The following MAPK10 variants were observed in gnomAD, a reference collection of about 807,000 sequenced individuals.
MAPK10 encodes JNK3 alpha protein kinase.
Under a neutral mutation model 59.3 loss-of-function variants are expected in MAPK10, and 25 were observed. The observed-to-expected ratio is 0.42, with a 90% CI of 0.31 to 0.59. The LOEUF is 0.59. Among genes scored for constraint, MAPK10 ranks in the 20% least tolerant of loss-of-function variants. The pLI, the probability that MAPK10 is intolerant of heterozygous loss-of-function variation, is 0.15. For synonymous variants in MAPK10, 190 were observed against 200.5 expected (o/e 0.95, Z 0.44); for missense variants, 351 against 568.9 (o/e 0.62, Z 3.90).
At chr4:86,483,505 C>G (rs186909357) in intron 1 of MAPK10, among the ~76,000 whole-genome samples, 9 of 151,978 alleles carry the variant, frequency 5.9e-5, no homozygotes, top group Admixed American at 4.6e-4. Flanking sequence ...TTCAAAGAAA[C>G]AAAGGGCAGA....
At chr4:86,441,552 G>A (rs887134945) in intron 1 of MAPK10, among the ~76,000 whole-genome samples, 1 of 152,176 alleles carries the variant, frequency 6.6e-6, no homozygotes, top group Non-Finnish European at 1.5e-5. Context: ...TCATATGACT[G>A]TGTAGAATTC....
intron 3 of MAPK10, among the ~76,000 whole-genome samples, chr4:86,179,449 A>G (rs2076416382): frequency 6.6e-6 from 1 of 152,150 alleles, no homozygotes; most frequent in African/African-American, 2.4e-5. Context: ...CTACACATTC[A>G]ATGTAACGCC....
intron 3 of MAPK10, among the ~76,000 whole-genome samples, chr4:86,172,973 C>T (rs1223671021): frequency 1.3e-5 from 2 of 151,680 alleles, no homozygotes; most frequent in Non-Finnish European, 1.5e-5. Flanking sequence ...AGAGACAACA[C>T]AAACAAATGG....
intron 9 of MAPK10, among the ~76,000 whole-genome samples, chr4:86,096,483 A>G (rs1356928210): frequency 6.6e-6 from 1 of 151,990 alleles, no homozygotes; most frequent in African/African-American, 2.4e-5. Flanking sequence ...CTGAAGAGCT[A>G]AATAAGATCT....
intron 1 of MAPK10, among the ~76,000 whole-genome samples, chr4:86,396,837 C>T (rs1252756998): frequency 6.6e-6 from 1 of 152,054 alleles, no homozygotes; most frequent in Non-Finnish European, 1.5e-5. Flanking sequence ...TCCTACTAAG[C>T]CCACCGTCAA....
At chr4:86,521,241 C>T (rs947548035) in intron 1 of MAPK10, among the ~76,000 whole-genome samples, 1 of 152,064 alleles carries the variant, frequency 6.6e-6, no homozygotes, top group Admixed American at 6.6e-5. Flanking sequence ...TGGCCTCCAG[C>T]CAGGAGATGG....
chr4:86,351,657 A>C (rs555871153), intron 2 of MAPK10, among the ~76,000 whole-genome samples: 1 of 152,114 alleles, frequency 6.6e-6, no homozygotes, highest in East Asian at 1.9e-4. Context: ...AAACACCGAG[A>C]AACTGAAGAA....
At chr4:86,178,841 G>A (rs1312993733) in intron 3 of MAPK10, among the ~76,000 whole-genome samples, 1 of 152,184 alleles carries the variant, frequency 6.6e-6, no homozygotes, top group Non-Finnish European at 1.5e-5. Flanking sequence ...TAAAATTGCA[G>A]AATGCAAAAT....
intron 4 of MAPK10, among the ~76,000 whole-genome samples, chr4:86,110,608 C>A (rs1001120115): frequency 6.6e-6 from 1 of 152,078 alleles, no homozygotes; most frequent in Non-Finnish European, 1.5e-5. Context: ...TTTTTTGTAA[C>A]ATTACCATGC....
In MAPK10 at chr4:86,165,821, G is replaced by C. The variant is rs12504532; in HGVS notation, c.67-6354C>G. 9.6e-3 allele frequency among the ~76,000 whole-genome samples: 1,457 copies of C among 152,062 alleles called. 52 individuals carry two copies. The highest frequency in any genetic ancestry group is 0.078 in the East Asian group (402 of 5,162). On this transcript the variant is annotated intron_variant, in intron 3 of 13. Coordinates refer to ENST00000641462, the MANE Select transcript of MAPK10 (RefSeq NM_138982.4). ...TCCTTGAAGAGTTACTCTCAGCAGA[G>C]GGTTACATCCTGGAATCAATTTCAC... is the stretch of plus-strand genomic sequence containing the variant.
At chr4:86,156,814 G>C (rs2067920489) in intron 4 of MAPK10, among the ~76,000 whole-genome samples, 1 of 151,946 alleles carries the variant, frequency 6.6e-6, no homozygotes, top group South Asian at 2.1e-4. Context: ...TTCTGAATGA[G>C]TTGCTCTTCT....
At chr4:86,374,618 C>T (rs1353175447) in intron 1 of MAPK10, among the ~76,000 whole-genome samples, 1 of 152,098 alleles carries the variant, frequency 6.6e-6, no homozygotes, top group Non-Finnish European at 1.5e-5. Flanking sequence ...GCATACACAG[C>T]TTTTTAAAAA....
intron 2 of MAPK10, among the ~76,000 whole-genome samples, chr4:86,274,582 T>A (rs1583880987): frequency 6.6e-6 from 1 of 151,952 alleles, no homozygotes; most frequent in Non-Finnish European, 1.5e-5. Flanking sequence ...TTCTTTTCCC[T>A]CTTGCTTTAT....
chr4:86,375,757 A>C (rs1739708272), intron 1 of MAPK10, among the ~76,000 whole-genome samples: 2 of 151,036 alleles, frequency 1.3e-5, no homozygotes, highest in South Asian at 4.2e-4. Flanking sequence ...AATGGAAAGA[A>C]GATTCTGTTT....
At chr4:86,136,368 G>T (rs1287133066) in intron 4 of MAPK10, among the ~76,000 whole-genome samples, 13 of 152,142 alleles carry the variant, frequency 8.5e-5, no homozygotes, top group African/African-American at 2.2e-4. Flanking sequence ...AGAAGAGAGT[G>T]GGGGCCAATA....
intron 4 of MAPK10, among the ~76,000 whole-genome samples, chr4:86,151,066 A>G (rs2066338131): frequency 6.6e-6 from 1 of 152,150 alleles, no homozygotes; most frequent in African/African-American, 2.4e-5. Context: ...GCATCAGTCA[A>G]TGCAAGACAG....
At chr4:86,531,677 C>T (rs1433224081) in intron 1 of MAPK10, among the ~76,000 whole-genome samples, 1 of 152,040 alleles carries the variant, frequency 6.6e-6, no homozygotes, top group Admixed American at 6.6e-5. Context: ...GAAGCATCTC[C>T]AATGTGAAAT....
chr4:86,451,018 T>C (rs1750634517), intron 1 of MAPK10, among the ~76,000 whole-genome samples: 1 of 152,132 alleles, frequency 6.6e-6, no homozygotes, highest in Non-Finnish European at 1.5e-5. Flanking sequence ...AAAGTTAAGT[T>C]TTAGAGAGAT....
At chr4:86,233,111 C>T (rs1028031613) in intron 2 of MAPK10, among the ~76,000 whole-genome samples, 2 of 152,162 alleles carry the variant, frequency 1.3e-5, no homozygotes, top group Non-Finnish European at 2.9e-5. Context: ...GTTTAGATGT[C>T]TTGCCCAGGG....
Sources: allele counts gnomAD v4.1 joint callset (sites outside exome capture counted in the v4.1 genomes callset), GRCh38; gene constraint gnomAD v4.1.1; transcripts MANE v1.5; gene names NCBI Gene and HGNC (gene_info 2026-07-23, HGNC 2026-07-21).